TBC1D8: variants seen among roughly 807,000 people sequenced by gnomAD.
The protein encoded by TBC1D8 is TBC1 domain family member 8.
A neutral mutation model predicts 118.8 loss-of-function variants in TBC1D8; 65 were observed. That is an observed-to-expected ratio of 0.55 (90% CI 0.45 to 0.67). The LOEUF (loss-of-function observed/expected upper bound fraction) is 0.67. Ranked by LOEUF, TBC1D8 falls within the 30% of genes least tolerant of loss-of-function variation. The pLI is 0.00. For synonymous variants in TBC1D8, 566 were observed against 595.8 expected, an observed-to-expected ratio of 0.95 and a Z score of 0.73; for missense variants, 1,376 against 1,471.2, an observed-to-expected ratio of 0.94 and a Z score of 1.06.
intron 1 of TBC1D8, among the ~76,000 whole-genome samples, chr2:101,094,976 C>T (rs1302678304): frequency 6.6e-6 from 1 of 152,148 alleles, no homozygotes; most frequent in Admixed American, 6.5e-5. Context: ...TCTGCTGGAG[C>T]CATAAATCGT....
intron 1 of TBC1D8, among the ~76,000 whole-genome samples, chr2:101,138,966 C>G (rs1272295140): frequency 6.6e-6 from 1 of 152,190 alleles, no homozygotes. Flanking sequence ...ACAAAAGATG[C>G]TCCCATCACC....
At chr2:101,130,138 G>GGGTGT (rs1324110410) in intron 1 of TBC1D8, among the ~76,000 whole-genome samples, 11 of 152,134 alleles carry the variant, frequency 7.2e-5, no homozygotes, top group African/African-American at 2.7e-4. Flanking sequence ...TCCTGCCATT[G>GGGTGT]GGGTACTTGA....
intron 1 of TBC1D8, among the ~76,000 whole-genome samples, chr2:101,149,100 G>GAAAT (rs1679440591): frequency 6.6e-6 from 1 of 152,200 alleles, no homozygotes; most frequent in Non-Finnish European, 1.5e-5. Context: ...GGGTCTCCAA[G>GAAAT]AAATACATCA....
chr2:101,054,746 G>A (rs1682316506), intron 3 of TBC1D8, among the ~76,000 whole-genome samples: 3 of 130,844 alleles, frequency 2.3e-5, no homozygotes, highest in Admixed American at 9.1e-5. Context: ...GCAGTGGCAC[G>A]ATCTCAACTC....
At chr2:101,057,291 CCAGAAA>C (rs1340761828) in intron 3 of TBC1D8, among the ~76,000 whole-genome samples, 4 of 152,196 alleles carry the variant, frequency 2.6e-5, no homozygotes, top group Non-Finnish European at 5.9e-5. Flanking sequence ...CCTCCCAAGT[CCAGAAA>C]CAGCCCTGAG....
At position 101,133,123 on chromosome 2, in the gene TBC1D8, G is replaced by A. The variant is rs572121334; in HGVS notation, c.127+18004C>T. Among the ~76,000 whole-genome samples, 88 of 146,718 alleles carry A rather than the reference G, an allele frequency of 6.0e-4. 2 individuals carry two copies. In the East Asian group the frequency reaches 0.015, roughly 24 times the overall value. ...TGCAGTGAGCTGAGATCGAGCCACT[G>A]CACTCCAGCCTGGGTGACAGTGCGA... On this transcript the variant is annotated intron_variant, in intron 1 of 19. Coordinates refer to ENST00000409318, the MANE Select transcript of TBC1D8 (RefSeq NM_001330348.2).
At chr2:101,041,555 G>T (rs1681385017) in intron 5 of TBC1D8, among the ~76,000 whole-genome samples, 1 of 152,140 alleles carries the variant, frequency 6.6e-6, no homozygotes, top group Non-Finnish European at 1.5e-5. Context: ...AATGGGAAGT[G>T]ACTGCTCATG....
intron 1 of TBC1D8, among the ~76,000 whole-genome samples, chr2:101,102,661 C>T (rs898233960): frequency 6.6e-5 from 10 of 151,822 alleles, no homozygotes; most frequent in African/African-American, 1.9e-4. Context: ...AAGTATACTA[C>T]GTTAACATTA....
intron 2 of TBC1D8, among the ~76,000 whole-genome samples, chr2:101,080,610 G>A (rs1675198386): frequency 6.6e-6 from 1 of 152,194 alleles, no homozygotes; most frequent in Non-Finnish European, 1.5e-5. Flanking sequence ...CACACCCGCA[G>A]TGTTACCGAT....
chr2:101,014,604 C>T (rs1412858681), intron 17 of TBC1D8, among the ~76,000 whole-genome samples: 2 of 152,228 alleles, frequency 1.3e-5, no homozygotes, highest in Admixed American at 1.3e-4. Flanking sequence ...TTCCATTTCA[C>T]CTGGTGAGCC....
At chr2:101,082,150 A>C (rs1176174547) in intron 2 of TBC1D8, among the ~76,000 whole-genome samples, 1 of 152,184 alleles carries the variant, frequency 6.6e-6, no homozygotes, top group Non-Finnish European at 1.5e-5. Flanking sequence ...AAAAACGAAA[A>C]AGAATAAAAT....
rs149412909 is a variant in TBC1D8, at chr2:101,041,981, C to T, written c.873-1596G>A. On this transcript the variant is annotated intron_variant, in intron 5 of 19. Transcript: ENST00000409318. ...TAGAGGTTGCAGTGAGTCGAGATCGCGCCACTGCACTCTAGCCTGGGCGAC... is the reference window on the plus strand; with the variant it reads ...TAGAGGTTGCAGTGAGTCGAGATCGTGCCACTGCACTCTAGCCTGGGCGAC... Among the ~76,000 whole-genome samples, 427 of 151,780 alleles carry T rather than the reference C, an allele frequency of 2.8e-3. 4 individuals are homozygous for T. Among genetic ancestry groups the T allele is most frequent in the African/African-American group, 9.9e-3 (409 of 41,336 alleles).
Position 101,027,502 on chromosome 2 carries a change from AG to A in TBC1D8, c.2452-52del. On this transcript the variant is annotated intron_variant, in intron 14 of 19. Transcript: ENST00000409318. Reference sequence around the variant, plus strand: ...GCGTGAAATCTAGGCCTGCACCCCCAGGGGTCAGGGCAAGAGGGGACTCTTC... The same window carrying A: ...GCGTGAAATCTAGGCCTGCACCCCCAGGGTCAGGGCAAGAGGGGACTCTTC... The A allele has an allele frequency of 1.1e-5, 17 of 1,548,162 alleles. 1 individual carries two copies. In the South Asian group the frequency reaches 1.7e-4, roughly 15 times the overall value.
intron 1 of TBC1D8, among the ~76,000 whole-genome samples, chr2:101,137,736 A>G (rs1213025896): frequency 2.0e-5 from 3 of 152,204 alleles, no homozygotes; most frequent in Admixed American, 6.5e-5. Flanking sequence ...CAGACAAGAC[A>G]GTACAGGGGT....
At chr2:101,149,372 T>C (rs1480241221) in intron 1 of TBC1D8, among the ~76,000 whole-genome samples, 2 of 152,128 alleles carry the variant, frequency 1.3e-5, no homozygotes, top group African/African-American at 4.8e-5. Context: ...AGGCATCCTA[T>C]GGCCAGCTCT....
chr2:101,009,135 T>C (rs534756419), intron 19 of TBC1D8, among the ~76,000 whole-genome samples: 1 of 152,330 alleles, frequency 6.6e-6, no homozygotes, highest in Non-Finnish European at 1.5e-5. Context: ...GGCTCATGCC[T>C]GTAATCCCAG....
intron 15 of TBC1D8, chr2:101,023,613 A>G (rs1553399391): frequency 2.3e-6 from 1 of 439,176 alleles, no homozygotes; most frequent in Non-Finnish European, 4.6e-6. Flanking sequence ...TACATTAACA[A>G]TTTTTTTTAA....
Position 101,030,529 on chromosome 2 carries a change from G to A in TBC1D8, c.1937-753C>T, listed in dbSNP as rs183158970. Among the ~76,000 whole-genome samples, 527 of 152,296 alleles carry A rather than the reference G, an allele frequency of 3.5e-3. 3 individuals are homozygous for A. Among genetic ancestry groups the A allele is most frequent in the Non-Finnish European group, 4.9e-3 (336 of 68,032 alleles). On this transcript the variant is annotated intron_variant, in intron 11 of 19. Coordinates refer to ENST00000409318, the MANE Select transcript of TBC1D8 (RefSeq NM_001330348.2). Reference sequence around the variant, plus strand: ...ATTACCAAGTTTTAGCAAGGATGTGGAGCAAGCTGAATTCTCCTACAATGC... The same window carrying A: ...ATTACCAAGTTTTAGCAAGGATGTGAAGCAAGCTGAATTCTCCTACAATGC...
At chr2:101,077,542 C>T (rs1299304031) in intron 2 of TBC1D8, among the ~76,000 whole-genome samples, 3 of 152,126 alleles carry the variant, frequency 2.0e-5, no homozygotes, top group East Asian at 3.9e-4. Context: ...CCACCGTGCC[C>T]GGCCGGTGCT....
Sources: allele counts gnomAD v4.1 joint callset (sites outside exome capture counted in the v4.1 genomes callset), GRCh38; gene constraint gnomAD v4.1.1; transcripts MANE v1.5; gene names NCBI Gene and HGNC (gene_info 2026-07-23, HGNC 2026-07-21).